The following ABCA1 variants were observed in gnomAD, a reference collection of about 807,000 sequenced individuals.
ABCA1 encodes ATP binding cassette subfamily A member 1.
A neutral mutation model predicts 262.5 loss-of-function variants in ABCA1; 133 were observed. The ratio of observed to expected loss-of-function variants is 0.51; its 90% CI spans 0.44 to 0.59. The LOEUF is 0.59. Among genes scored for constraint, ABCA1 ranks in the 20% least tolerant of loss-of-function variants. The pLI, the probability that ABCA1 is intolerant of heterozygous loss-of-function variation, is 0.00. For synonymous variants in ABCA1, 1,022 were observed against 1,043.5 expected (o/e 0.98, Z 0.40); for missense variants, 2,452 against 2,777.5 (o/e 0.88, Z 2.63).
intron 16 of ABCA1, 57 bp downstream of exon 16, chr9:104,826,891 G>A (rs1007322991): frequency 2.3e-5 from 34 of 1,488,024 alleles, no homozygotes; most frequent in Non-Finnish European, 3.0e-5. Flanking sequence ...TTTATTCAGG[G>A]ACTCCAAAGG....
chr9:104,913,827 G>A (rs1031291286), intron 1 of ABCA1, among the ~76,000 whole-genome samples: 1 of 151,882 alleles, frequency 6.6e-6, no homozygotes, highest in Non-Finnish European at 1.5e-5. Flanking sequence ...ATGGAGTCTG[G>A]CTCTGTCGCC....
chr9:104,791,684 C>G (rs1007859139), intron 43 of ABCA1, among the ~76,000 whole-genome samples: 2 of 152,188 alleles, frequency 1.3e-5, no homozygotes, highest in Non-Finnish European at 2.9e-5. Context: ...CTCGGCCTCC[C>G]AAAGTGCTGG....
intron 2 of ABCA1, among the ~76,000 whole-genome samples, chr9:104,895,535 G>A (rs930780712): frequency 2.0e-5 from 3 of 152,148 alleles, no homozygotes; most frequent in Admixed American, 6.5e-5. Context: ...GGGGATAACC[G>A]GCCCCGGTCG....
At chr9:104,902,607 A>G (rs1392754006) in intron 2 of ABCA1, among the ~76,000 whole-genome samples, 1 of 152,242 alleles carries the variant, frequency 6.6e-6, no homozygotes, top group Non-Finnish European at 1.5e-5. Context: ...GCCTATAAGA[A>G]GTTTATACCT....
intron 5 of ABCA1, among the ~76,000 whole-genome samples, chr9:104,875,699 C>T (rs1361475377): frequency 6.6e-6 from 1 of 152,114 alleles, no homozygotes; most frequent in Non-Finnish European, 1.5e-5. Context: ...AAGTCAGGAG[C>T]CAAAGTAGGC....
intron 5 of ABCA1, among the ~76,000 whole-genome samples, chr9:104,870,104 C>T (rs956131197): frequency 6.6e-6 from 1 of 150,466 alleles, no homozygotes; most frequent in Non-Finnish European, 1.5e-5. Flanking sequence ...CTGAACCTTC[C>T]AAGGCATTAG....
At chr9:104,790,255 T>C (rs530377660) in intron 44 of ABCA1, among the ~76,000 whole-genome samples, 2 of 152,314 alleles carry the variant, frequency 1.3e-5, no homozygotes, top group African/African-American at 2.4e-5. Flanking sequence ...TCAATTTGTA[T>C]GCTCTTTAGA....
chr9:104,822,921 G>A (rs1373541823), intron 18 of ABCA1, among the ~76,000 whole-genome samples: 3 of 152,080 alleles, frequency 2.0e-5, no homozygotes, highest in Non-Finnish European at 2.9e-5. Flanking sequence ...TAAAATAGAG[G>A]ATGCTGAAAG....
At chr9:104,922,774 C>T (rs1463139307) in intron 1 of ABCA1, among the ~76,000 whole-genome samples, 1 of 152,062 alleles carries the variant, frequency 6.6e-6, no homozygotes. Flanking sequence ...TAAAGTGGCA[C>T]GATCTCGACT....
intron 27 of ABCA1, among the ~76,000 whole-genome samples, chr9:104,813,610 A>G (rs1831472380): frequency 2.0e-5 from 3 of 152,164 alleles, no homozygotes; most frequent in African/African-American, 7.2e-5. Context: ...ACGGGGTTTC[A>G]CCTTGTTGGT....
Position 104,814,150 on chromosome 9 carries a change from G to A in ABCA1, c.3869C>T (p.Ala1290Val), listed in dbSNP as rs1831520643. ...TATGTCAGAATCATTTGGATCAGCA[G>A]CATCATCTTCAGTGAACGGGCGAAG... ...SCLRPFTEDDAADPNDSDIDP... is the reference protein window; with the variant it reads ...SCLRPFTEDDVADPNDSDIDP... Residue 1290 changes from alanine to valine, a missense_variant, in exon 27 of 50, where the codon GCT becomes GTT. Around this residue, in one of 4 missense-constraint regions of ABCA1, gnomAD observed 665 missense variants for 727.3 expected, o/e 0.91. Coordinates refer to ENST00000374736, the MANE Select transcript of ABCA1 (RefSeq NM_005502.4). 4 of 1,614,252 alleles carry A rather than the reference G, an allele frequency of 2.5e-6. No homozygotes were observed. The East Asian group carries it at 6.7e-5, about 27-fold the overall frequency.
intron 6 of ABCA1, 113 bp downstream of exon 6, chr9:104,861,566 C>T: frequency 7.0e-7 from 1 of 1,436,758 alleles, no homozygotes; most frequent in Non-Finnish European, 9.8e-7. Context: ...ATTCAAACTA[C>T]CTCCCTCCCC....
Position 104,794,404 on chromosome 9 carries a change from T to C in ABCA1, c.5489A>G (p.Asp1830Gly). 1 of 1,613,618 alleles carries C rather than the reference T, an allele frequency of 6.2e-7. No homozygotes were observed. Among genetic ancestry groups the C allele is most frequent in the Non-Finnish European group, 8.5e-7 (1 of 1,179,912 alleles). Reference sequence around the variant, plus strand: ...TCACTCACCAAACCTTTCCAGGGCATCAGCCATTGCCTGGTTTTTCACCAT... The same window carrying C: ...TCACTCACCAAACCTTTCCAGGGCACCAGCCATTGCCTGGTTTTTCACCAT... Reference protein sequence around the residue: ...IDMVKNQAMADALERFGENRF... With the variant: ...IDMVKNQAMAGALERFGENRF... Residue 1830 changes from aspartate (D) to glycine (G), a missense_variant, in exon 40 of 50, where the codon GAT (aspartate) becomes GGT (glycine). Asp to Gly is a moderately conservative substitution (Grantham distance 94). Transcript: ENST00000374736.
At chr9:104,812,429 C>G (rs1831358631) in intron 28 of ABCA1, 145 bp downstream of exon 28, 2 of 1,069,346 alleles carry the variant, frequency 1.9e-6, no homozygotes, top group Non-Finnish European at 2.8e-6. Flanking sequence ...ACACAACTGG[C>G]AAGGAATAGA....
intron 2 of ABCA1, among the ~76,000 whole-genome samples, chr9:104,896,806 C>T (rs1481739019): frequency 2.2e-5 from 3 of 137,550 alleles, no homozygotes; most frequent in Non-Finnish European, 3.1e-5. Flanking sequence ...TCATAGCTCA[C>T]TGCAGCCTTG....
intron 44 of ABCA1, among the ~76,000 whole-genome samples, chr9:104,790,400 C>G (rs1478401690): frequency 6.6e-6 from 1 of 152,118 alleles, no homozygotes; most frequent in African/African-American, 2.4e-5. Flanking sequence ...ATTATAGGTA[C>G]ATGTACATAG....
At chr9:104,847,581 C>T (rs1422013694) in intron 7 of ABCA1, among the ~76,000 whole-genome samples, 2 of 152,154 alleles carry the variant, frequency 1.3e-5, no homozygotes, top group African/African-American at 2.4e-5. Flanking sequence ...CTCTGTTTCT[C>T]GGCAAGGTCT....
At chr9:104,852,350 GACT>G (rs1466572728) in intron 7 of ABCA1, among the ~76,000 whole-genome samples, 4 of 152,144 alleles carry the variant, frequency 2.6e-5, no homozygotes, top group Non-Finnish European at 5.9e-5. Context: ...GAAATTATAA[GACT>G]ACATTTCTAA....
Position 104,814,610 on chromosome 9 carries a change from A to G in ABCA1, c.3739-135T>C, listed in dbSNP as rs898236325. The G allele has an allele frequency of 6.5e-6, 6 of 917,218 alleles. No homozygotes were observed. The African/African-American group carries it at 8.2e-5, about 13-fold the overall frequency. The allele number at this position is 917,218 out of a possible 1,614,324, so 56.8% of individuals were successfully genotyped here. ...AAAGTAGAAGCCACATTTCTTAATA[A>G]CACTTTCTCAGAGTTACCTGGGAGA... is the stretch of plus-strand genomic sequence containing the variant. On this transcript the variant is annotated intron_variant, in intron 25 of 49. Transcript: ENST00000374736.
Sources: gnomAD v4.1 joint callset for allele counts (sites outside exome capture counted in the v4.1 genomes callset) on GRCh38, gnomAD v4.1.1 for gene constraint, gnomAD v4.1.1 regional missense constraint, MANE v1.5 for transcripts, NCBI Gene and HGNC (gene_info 2026-07-23, HGNC 2026-07-21) for gene names.